Variants in PACRG observed in about 807,000 individuals in gnomAD.
PACRG encodes parkin coregulated.
In PACRG, 29 loss-of-function variants were observed where a neutral mutation model predicts 29.7. That is an observed-to-expected ratio of 0.98 (90% CI 0.73 to 1.33). The LOEUF is 1.33. Among genes scored for constraint, PACRG ranks in the 40% most tolerant of loss-of-function variants. The probability of loss-of-function intolerance (pLI) is 0.00; values close to 1 mark genes in which losing one functional copy is unlikely to be tolerated. For missense variants in PACRG, 279 were observed against 316.2 expected, an observed-to-expected ratio of 0.88 and a Z score of 0.89; for synonymous variants, 116 against 118.7, an observed-to-expected ratio of 0.98 and a Z score of 0.15.
At chr6:163,314,451 G>T (rs1331482709) in intron 4 of PACRG, among the ~76,000 whole-genome samples, 2 of 152,166 alleles carry the variant, frequency 1.3e-5, no homozygotes, top group Admixed American at 1.3e-4. Context: ...GGAACGAACA[G>T]CCTGATCTCA....
intron 2 of PACRG, among the ~76,000 whole-genome samples, chr6:162,846,658 T>C (rs1790406836): frequency 2.0e-5 from 3 of 152,236 alleles, no homozygotes; most frequent in Non-Finnish European, 4.4e-5. Context: ...GTGGCTGTTT[T>C]ATCATATTGC....
intron 2 of PACRG, among the ~76,000 whole-genome samples, chr6:162,951,793 G>T (rs1009251104): frequency 8.5e-5 from 13 of 152,156 alleles, no homozygotes; most frequent in Non-Finnish European, 1.6e-4. Context: ...TTCAGCTGAT[G>T]GTTTTTTAAA....
chr6:162,942,793 G>A lies in PACRG; in HGVS notation c.292-119357G>A, dbSNP rs576295667. Among the ~76,000 whole-genome samples, 4 of 152,226 alleles carry A rather than the reference G, an allele frequency of 2.6e-5. No homozygotes were observed. The East Asian group carries it at 5.8e-4, about 22-fold the overall frequency. On this transcript the variant is annotated intron_variant, in intron 2 of 4. Transcript: ENST00000366888. ...TTCAGTGCCAGAAATCGTATATGGA[G>A]GGGGCTTCAAGATAGCTAACTGGAG... is the stretch of plus-strand genomic sequence containing the variant.
At chr6:162,972,478 C>A (rs1056137423) in intron 2 of PACRG, among the ~76,000 whole-genome samples, 4 of 152,170 alleles carry the variant, frequency 2.6e-5, no homozygotes, top group African/African-American at 9.7e-5. Flanking sequence ...GCAGTGCCCT[C>A]TCTATTAAGA....
chr6:163,083,420 T>A (rs1293022717), intron 3 of PACRG, among the ~76,000 whole-genome samples: 1 of 152,182 alleles, frequency 6.6e-6, no homozygotes, highest in Non-Finnish European at 1.5e-5. Context: ...ACCAAACCAA[T>A]GTACATCTTA....
chr6:163,014,622 T>C (rs1240633212), intron 2 of PACRG, among the ~76,000 whole-genome samples: 4 of 152,220 alleles, frequency 2.6e-5, no homozygotes, highest in Admixed American at 2.6e-4. Flanking sequence ...ATGAGCATTT[T>C]TTCAGGTTTG....
At chr6:162,980,906 T>A (rs1317542074) in intron 2 of PACRG, among the ~76,000 whole-genome samples, 1 of 152,098 alleles carries the variant, frequency 6.6e-6, no homozygotes, top group Non-Finnish European at 1.5e-5. Flanking sequence ...TTTATTTCAA[T>A]AATTTTTGGG....
At chr6:162,909,553 TCAAAAAAA>T (rs1796166128) in intron 2 of PACRG, among the ~76,000 whole-genome samples, 1 of 81,910 alleles carries the variant, frequency 1.2e-5, no homozygotes, top group African/African-American at 7.5e-5. Flanking sequence ...AGACTCCATC[TCAAAAAAA>T]AAAAAAAAAA....
intron 4 of PACRG, among the ~76,000 whole-genome samples, chr6:163,148,954 T>A (rs1335470291): frequency 6.1e-5 from 1 of 16,468 alleles, no homozygotes; most frequent in Non-Finnish European, 1.1e-4. Flanking sequence ...TTGTGAAAAA[T>A]CTATGGCGGG....
chr6:162,856,978 G>T (rs747848214), intron 2 of PACRG, among the ~76,000 whole-genome samples: 1 of 152,156 alleles, frequency 6.6e-6, no homozygotes, highest in Non-Finnish European at 1.5e-5. Context: ...CCAGTAGGTG[G>T]CTCACTATGA....
At chr6:162,727,751 T>G, upstream of PACRG, 4 of 1,429,706 alleles carry the variant, frequency 2.8e-6, no homozygotes, top group South Asian at 1.2e-5. Context: ...CCAGCGGCTC[T>G]CCTGGGTTAA....
At chr6:162,838,497 A>G (rs906098700) in intron 2 of PACRG, among the ~76,000 whole-genome samples, 6 of 152,174 alleles carry the variant, frequency 3.9e-5, no homozygotes, top group Non-Finnish European at 1.5e-5. Context: ...GAAGGCTGGG[A>G]AATACAGTCC....
chr6:163,078,199 T>G (rs2128287035), intron 3 of PACRG, among the ~76,000 whole-genome samples: 1 of 152,190 alleles, frequency 6.6e-6, no homozygotes, highest in Middle Eastern at 3.4e-3. Flanking sequence ...GGAGCCTAAC[T>G]TATAAAATTG....
rs1029352886 is a variant in PACRG at position 163,193,516 on chromosome 6, C to T, written c.613+104108C>T. On this transcript the variant is annotated intron_variant, in intron 4 of 4. Transcript: ENST00000366888. ...CCAGGGGCTGCCCGGCCAGAAATACCGAGACTGACCATTTTTAAGAACCCA... is the reference window on the plus strand; with the variant it reads ...CCAGGGGCTGCCCGGCCAGAAATACTGAGACTGACCATTTTTAAGAACCCA... 3.3e-5 allele frequency among the ~76,000 whole-genome samples: 5 copies of T among 152,202 alleles called. No individual in the cohort carries two copies. The South Asian group carries it at 6.2e-4, about 19-fold the overall frequency.
chr6:163,188,379 A>G (rs1241056083), intron 4 of PACRG, among the ~76,000 whole-genome samples: 1 of 152,250 alleles, frequency 6.6e-6, no homozygotes, highest in Non-Finnish European at 1.5e-5. Flanking sequence ...CTAACTCTAA[A>G]TTAAGGAGTG....
intron 1 of PACRG, among the ~76,000 whole-genome samples, chr6:162,799,161 C>T (rs1785632168): frequency 6.6e-6 from 1 of 152,196 alleles, no homozygotes; most frequent in Admixed American, 6.5e-5. Context: ...GCTGACCAAA[C>T]TTCAGCCAGC....
At chr6:162,792,546 G>A (rs938199876) in intron 1 of PACRG, among the ~76,000 whole-genome samples, 5 of 152,004 alleles carry the variant, frequency 3.3e-5, no homozygotes, top group Admixed American at 6.6e-5. Context: ...AGAGGCTGAA[G>A]CACTGGTCCA....
intron 4 of PACRG, among the ~76,000 whole-genome samples, chr6:163,293,154 T>C (rs1784672589): frequency 6.6e-6 from 1 of 152,212 alleles, no homozygotes; most frequent in South Asian, 2.1e-4. Flanking sequence ...AACCATCTTG[T>C]TCTTTGGAGA....
At chr6:163,255,448 G>A (rs1285402159) in intron 4 of PACRG, among the ~76,000 whole-genome samples, 2 of 152,156 alleles carry the variant, frequency 1.3e-5, no homozygotes, top group Non-Finnish European at 2.9e-5. Flanking sequence ...CCATCCTGCA[G>A]GCCAAGAGGA....
Sources: allele counts gnomAD v4.1 joint callset (sites outside exome capture counted in the v4.1 genomes callset), GRCh38; gene constraint gnomAD v4.1.1; transcripts MANE v1.5; gene names NCBI Gene and HGNC (gene_info 2026-07-23, HGNC 2026-07-21).